CCDC82: variants seen among roughly 807,000 people sequenced by gnomAD.
CCDC82 encodes coiled-coil domain-containing protein 82.
In CCDC82, 47 loss-of-function variants were observed where a neutral mutation model predicts 60.6. The observed-to-expected ratio is 0.77, with a 90% CI of 0.61 to 0.99. The LOEUF (loss-of-function observed/expected upper bound fraction) is 0.99, where lower values mean the gene tolerates loss of function less well. Among genes scored for constraint, CCDC82 ranks in the 50% least tolerant of loss-of-function variants. The pLI, the probability that CCDC82 is intolerant of heterozygous loss-of-function variation, is 0.00. For synonymous variants in CCDC82, 212 were observed against 207.4 expected (o/e 1.02, Z -0.19); for missense variants, 588 against 633.0 (o/e 0.93, Z 0.76).
chr11:96,365,787 CTGAG>C (rs1864914124), intron 7 of CCDC82, among the ~76,000 whole-genome samples: 1 of 152,136 alleles, frequency 6.6e-6, no homozygotes, highest in African/African-American at 2.4e-5. Context: ...TTACTTGTGC[CTGAG>C]TATTTCTGCT....
chr11:96,384,679 T>C lies in CCDC82; in HGVS notation c.69A>G (p.Arg23=). Residue 23 remains arginine, a synonymous_variant, in exon 4 of 10, where the codon CGA becomes CGG. Coordinates refer to ENST00000646818, the MANE Select transcript of CCDC82 (RefSeq NM_024725.4). ...TTCTTTTAGTTCGCCTCCAATCAAC[T>C]CGAGATTTCTGCTCAGGCACGTGAC... ...SKSHVPEQKS[R]VDWRRTKRSS... 2 of 1,613,252 alleles carry C rather than the reference T, an allele frequency of 1.2e-6. No individual in the cohort carries two copies. Among genetic ancestry groups the C allele is most frequent in the Non-Finnish European group, 1.7e-6 (2 of 1,179,582 alleles).
chr11:96,369,315 C>T (rs745940028), intron 7 of CCDC82, among the ~76,000 whole-genome samples: 30 of 152,218 alleles, frequency 2.0e-4, no homozygotes, highest in Non-Finnish European at 3.2e-4. Flanking sequence ...AACTGTCTGG[C>T]ACAAGAGCAA....
intron 9 of CCDC82, chr11:96,358,410 A>G: frequency 8.2e-7 from 1 of 1,226,804 alleles, no homozygotes; most frequent in Non-Finnish European, 1.0e-6. Flanking sequence ...TACTCCTGTT[A>G]TCAAATTTAG....
In CCDC82 at chr11:96,372,633, T is replaced by A. The variant is rs939319229; in HGVS notation, c.1084+742A>T. Among the ~76,000 whole-genome samples the A allele has an allele frequency of 6.2e-5, 9 of 144,786 alleles. No individual in the cohort carries two copies. In the East Asian group the frequency reaches 8.6e-4, roughly 14 times the overall value. The allele number at this position is 144,786 out of a possible 152,430, so 95.0% of individuals were successfully genotyped here. The stretch of plus-strand genomic sequence containing the variant: ...CAAGAGAAATGGGGATATATATATA[T>A]AAATATAAATATATATATAAATATA... On this transcript the variant is annotated intron_variant, in intron 6 of 9. Coordinates refer to ENST00000646818, the MANE Select transcript of CCDC82 (RefSeq NM_024725.4).
chr11:96,384,787 T>C lies in CCDC82; in HGVS notation c.-14-26A>G, dbSNP rs768811826. ...CTATAAAATAAAGTTGTTAGGAATA[T>C]AACAGTGATAACCAGATTAGAGCAA... is the stretch of plus-strand genomic sequence containing the variant. On this transcript the variant is annotated intron_variant, in intron 3 of 9. Transcript: ENST00000646818. 11 of 1,400,528 alleles carry C rather than the reference T, an allele frequency of 7.9e-6. No individual in the cohort carries two copies. In the East Asian group the frequency reaches 2.3e-4, roughly 29 times the overall value. The allele number at this position is 1,400,528 out of a possible 1,614,324, so 86.8% of individuals were successfully genotyped here. A position where few individuals can be genotyped will look rare whatever the true frequency, so the allele number is the denominator to read the frequency against.
At chr11:96,386,873 A>AT (rs1433357072) in intron 2 of CCDC82, 3 of 152,214 alleles carry the variant, frequency 2.0e-5, no homozygotes, top group African/African-American at 7.2e-5. Context: ...AAAAATCTCT[A>AT]TATTAAAGTA....
At chr11:96,374,909 T>C (rs2136156434) in intron 5 of CCDC82, among the ~76,000 whole-genome samples, 1 of 152,198 alleles carries the variant, frequency 6.6e-6, no homozygotes, top group Admixed American at 6.5e-5. Flanking sequence ...ACATTGCCAC[T>C]AGTGAATCTT....
chr11:96,375,504 T>C (rs767400728), intron 5 of CCDC82, among the ~76,000 whole-genome samples: 13 of 152,174 alleles, frequency 8.5e-5, no homozygotes, highest in Non-Finnish European at 1.3e-4. Flanking sequence ...GAATTTCAAA[T>C]TGAAAAATAA....
At chr11:96,387,307 CAGTT>C (rs1866251216) in intron 2 of CCDC82, 1 of 152,106 alleles carries the variant, frequency 6.6e-6, no homozygotes, top group South Asian at 2.1e-4. Context: ...CCCAGAATGT[CAGTT>C]ATTTATCATG....
intron 8 of CCDC82, among the ~76,000 whole-genome samples, chr11:96,360,298 T>C (rs996288169): frequency 6.6e-6 from 1 of 150,884 alleles, no homozygotes; most frequent in Non-Finnish European, 1.5e-5. Context: ...TACATTCCGG[T>C]TTCCCTGCCT....
rs1183804993 is a variant in CCDC82, at chr11:96,371,139, T to C, written c.1085-2A>G. ...CATATGATTTTTGCCTTGTGCCATC[T>C]GTTCAGGGGATAAACAACAAAAAAA... On this transcript the variant is annotated splice_acceptor_variant, in intron 6 of 9. Coordinates refer to ENST00000646818, the MANE Select transcript of CCDC82 (RefSeq NM_024725.4). LOFTEE classifies it high-confidence loss of function. 2 of 1,555,554 alleles carry C rather than the reference T, an allele frequency of 1.3e-6. No individual in the cohort carries two copies. Among genetic ancestry groups the C allele is most frequent in the Non-Finnish European group, 1.7e-6 (2 of 1,155,144 alleles).
intron 5 of CCDC82, chr11:96,380,883 T>C (rs1237735061): frequency 1.3e-5 from 2 of 151,550 alleles, no homozygotes; most frequent in Non-Finnish European, 3.0e-5. Flanking sequence ...AACTACTCTG[T>C]ATGATAGTGT....
At chr11:96,359,472 A>G (rs902930077) in intron 8 of CCDC82, among the ~76,000 whole-genome samples, 3 of 152,182 alleles carry the variant, frequency 2.0e-5, no homozygotes, top group East Asian at 1.9e-4. Context: ...TGGTATGTCC[A>G]AGATGCTATG....
chr11:96,380,156 T>C (rs966268643), intron 5 of CCDC82, among the ~76,000 whole-genome samples: 4 of 151,738 alleles, frequency 2.6e-5, no homozygotes, highest in African/African-American at 9.7e-5. Context: ...ACAATTTCAC[T>C]GGACTGACAC....
chr11:96,374,417 CTCTT>C (rs1865455565), intron 5 of CCDC82, among the ~76,000 whole-genome samples: 1 of 152,126 alleles, frequency 6.6e-6, no homozygotes, highest in African/African-American at 2.4e-5. Flanking sequence ...CTGTATAACT[CTCTT>C]TCAGACTTTA....
intron 3 of CCDC82, 95 bp from the exon 4 acceptor site, chr11:96,384,856 A>G (rs1866104647): frequency 2.7e-6 from 2 of 745,434 alleles, no homozygotes; most frequent in Non-Finnish European, 4.1e-6. Context: ...GGCTTTATTT[A>G]ATGGTCCACA....
chr11:96,376,491 G>A (rs1460741337), intron 5 of CCDC82, among the ~76,000 whole-genome samples: 5 of 149,930 alleles, frequency 3.3e-5, no homozygotes, highest in Admixed American at 1.3e-4. Flanking sequence ...GCAGTGGCAC[G>A]ATCTTGGCTC....
intron 9 of CCDC82, chr11:96,356,400 T>C: frequency 2.1e-6 from 2 of 967,222 alleles, no homozygotes; most frequent in Non-Finnish European, 2.5e-6. Flanking sequence ...AACTGTCACT[T>C]GTAACAGTTT....
intron 9 of CCDC82, chr11:96,357,160 G>A (rs28420280): frequency 2.0e-6 from 2 of 985,296 alleles, no homozygotes. Flanking sequence ...AAATGTCAGA[G>A]CACGTGACAA....
Sources: allele counts gnomAD v4.1 joint callset (sites outside exome capture counted in the v4.1 genomes callset), GRCh38; gene constraint gnomAD v4.1.1; transcripts MANE v1.5; gene names NCBI Gene and HGNC (gene_info 2026-07-23, HGNC 2026-07-21).